Variants in FRAS1 observed in about 807,000 individuals in gnomAD.
FRAS1 encodes the protein Fraser extracellular matrix complex subunit 1.
Under a neutral mutation model 435.2 loss-of-function variants are expected in FRAS1, and 290 were observed. The ratio of observed to expected loss-of-function variants is 0.67; its 90% confidence interval spans 0.61 to 0.73. The LOEUF (loss-of-function observed/expected upper bound fraction) is 0.73, where lower values mean the gene tolerates loss of function less well. FRAS1 is among the 30% of genes least tolerant of loss of function. FRAS1 has a pLI of 0.00. For synonymous variants in FRAS1, 1,800 were observed against 1,851.0 expected, an observed-to-expected ratio of 0.97 and a Z score of 0.71; for missense variants, 4,860 against 5,001.5, an observed-to-expected ratio of 0.97 and a Z score of 0.85.
intron 2 of FRAS1, among the ~76,000 whole-genome samples, chr4:78,158,636 T>A (rs1163420107): frequency 6.6e-6 from 1 of 152,200 alleles, no homozygotes; most frequent in Admixed American, 6.5e-5. Flanking sequence ...AAGCAAAATA[T>A]TTCTATTTTG....
At chr4:78,482,771 T>C (rs1434536847) in intron 58 of FRAS1, among the ~76,000 whole-genome samples, 1 of 152,176 alleles carries the variant, frequency 6.6e-6, no homozygotes, top group East Asian at 1.9e-4. Flanking sequence ...TTGGGCCCTG[T>C]CCTCAAGAAG....
intron 2 of FRAS1, among the ~76,000 whole-genome samples, chr4:78,124,126 T>G (rs1482838571): frequency 6.6e-6 from 1 of 152,220 alleles, no homozygotes; most frequent in African/African-American, 2.4e-5. Flanking sequence ...TAAATAGCTC[T>G]TATTATGTTG....
At chr4:78,118,765 C>G (rs993744614) in intron 2 of FRAS1, among the ~76,000 whole-genome samples, 9 of 152,176 alleles carry the variant, frequency 5.9e-5, no homozygotes, top group Non-Finnish European at 8.8e-5. Flanking sequence ...CCTTGCCCTT[C>G]CCGGGTGAGG....
In FRAS1 at chr4:78,270,292, G is replaced by A. The variant is rs377470068; in HGVS notation, c.981+2860G>A. Among the ~76,000 whole-genome samples the A allele has an allele frequency of 5.3e-5, 8 of 152,242 alleles. No homozygotes were observed. The South Asian group carries it at 8.3e-4, about 16-fold the overall frequency. ...ATGTTTGAAGGTCAACAGCCTTTCT[G>A]TTGCACAGGCCTTACTGTTTCTATA... On this transcript the variant is annotated intron_variant, in intron 9 of 73. Coordinates refer to ENST00000512123, the MANE Select transcript of FRAS1 (RefSeq NM_025074.7).
intron 63 of FRAS1, 114 bp downstream of exon 63, chr4:78,509,120 C>A: frequency 5.1e-6 from 6 of 1,168,684 alleles, no homozygotes; most frequent in Non-Finnish European, 7.3e-6. Context: ...TGGAATAAAA[C>A]AAATAAGCAG....
chr4:78,114,561 T>G (rs1743001331), intron 2 of FRAS1, among the ~76,000 whole-genome samples: 1 of 152,164 alleles, frequency 6.6e-6, no homozygotes, highest in African/African-American at 2.4e-5. Context: ...TTAAGTTGGA[T>G]TCCTAGGTAT....
At chr4:78,446,398 G>T in intron 42 of FRAS1, 4 of 1,092,956 alleles carry the variant, frequency 3.7e-6, no homozygotes, top group Non-Finnish European at 4.5e-6. Flanking sequence ...TATTAGTATG[G>T]TCTTTTATCT....
At chr4:78,305,755 T>A (rs927633087) in intron 14 of FRAS1, among the ~76,000 whole-genome samples, 3 of 152,010 alleles carry the variant, frequency 2.0e-5, no homozygotes, top group African/African-American at 7.2e-5. Context: ...CCTATGTGTG[T>A]CTCTGCACAT....
intron 66 of FRAS1, 76 bp downstream of exon 66, chr4:78,516,089 C>A: frequency 8.7e-7 from 1 of 1,146,120 alleles, no homozygotes; most frequent in South Asian, 1.6e-5. Flanking sequence ...TGAAGCACTT[C>A]AATTAGCACT....
intron 32 of FRAS1, among the ~76,000 whole-genome samples, chr4:78,414,549 A>C (rs763810670): frequency 6.6e-6 from 1 of 152,244 alleles, no homozygotes; most frequent in Non-Finnish European, 1.5e-5. Context: ...TTATGATAGG[A>C]CATACTTGTG....
Position 78,317,467 on chromosome 4 carries a change from G to C in FRAS1, c.1919G>C (p.Arg640Pro), listed in dbSNP as rs373092006. 6.2e-7 allele frequency: 1 copy of C among 1,613,642 alleles called. No homozygotes were observed. The highest frequency in any genetic ancestry group is 8.5e-7 in the Non-Finnish European group (1 of 1,179,828). ...CTGCGTCAAGGCCACTGTCTGCCCC[G>C]CTGTGGAGAGGGTTTCTACTCTGAC... ...KALRQGHCLP[R>P]CGEGFYSDHG... The change falls in exon 17 of 74, where the codon CGC becomes CCC. Residue 640 changes from arginine to proline, a missense_variant. Transcript: ENST00000512123.
At chr4:78,522,548 C>A in intron 68 of FRAS1, 101 bp from the exon 69 acceptor site, 1 of 1,022,708 alleles carries the variant, frequency 9.8e-7, no homozygotes, top group Non-Finnish European at 1.4e-6. Context: ...GAGAGAAGAA[C>A]ATTAATTCAG....
intron 3 of FRAS1, among the ~76,000 whole-genome samples, chr4:78,243,686 A>G (rs1725107747): frequency 6.6e-6 from 1 of 151,882 alleles, no homozygotes; most frequent in Non-Finnish European, 1.5e-5. Flanking sequence ...ACACAAACAC[A>G]TACACATATA....
In FRAS1 at chr4:78,421,810, C is replaced by T. The variant is rs1407249893; in HGVS notation, c.4541-53C>T. 3 of 1,598,652 alleles carry T rather than the reference C, an allele frequency of 1.9e-6. No individual in the cohort carries two copies. The South Asian group carries it at 3.3e-5, about 18-fold the overall frequency. On this transcript the variant is annotated intron_variant, in intron 33 of 73. Coordinates refer to ENST00000512123, the MANE Select transcript of FRAS1 (RefSeq NM_025074.7). ...AGCAGGCTCTATGGCTCTAGTCATT[C>T]AGTCAGTGATGAGAATTACTGTTGA... is the stretch of plus-strand genomic sequence containing the variant.
At chr4:78,505,530 G>C (rs529391848) in intron 61 of FRAS1, among the ~76,000 whole-genome samples, 1 of 151,984 alleles carries the variant, frequency 6.6e-6, no homozygotes, top group African/African-American at 2.4e-5. Flanking sequence ...GCCTATTGAA[G>C]CTTGTGCATG....
At chr4:78,283,215 G>T (rs528009018) in intron 12 of FRAS1, among the ~76,000 whole-genome samples, 11 of 152,220 alleles carry the variant, frequency 7.2e-5, no homozygotes, top group Admixed American at 2.0e-4. Context: ...TAATTTTCTT[G>T]TTGATAAAAT....
chr4:78,173,404 A>G (rs1349572254), intron 2 of FRAS1, among the ~76,000 whole-genome samples: 1 of 152,168 alleles, frequency 6.6e-6, no homozygotes, highest in Non-Finnish European at 1.5e-5. Flanking sequence ...CTAGGGTGCT[A>G]TGGACATGAA....
intron 27 of FRAS1, among the ~76,000 whole-genome samples, chr4:78,382,672 A>G (rs993598697): frequency 6.6e-6 from 1 of 152,208 alleles, no homozygotes; most frequent in Non-Finnish European, 1.5e-5. Context: ...TATAATTTGC[A>G]TTCAATAAAA....
rs183856211 is a variant in FRAS1, at chr4:78,429,674, T to C, written c.4843+448T>C. 3.9e-5 allele frequency among the ~76,000 whole-genome samples: 6 copies of C among 152,332 alleles called. No individual in the cohort carries two copies. The East Asian group carries it at 9.6e-4, about 24-fold the overall frequency. ...GTATATAATTATATGTACTAATTAG[T>C]GAATTTAATCTTTAGAAATGTATTC... is the stretch of plus-strand genomic sequence containing the variant. On this transcript the variant is annotated intron_variant, in intron 36 of 73. Transcript: ENST00000512123.
Sources: allele counts gnomAD v4.1 joint callset (sites outside exome capture counted in the v4.1 genomes callset), GRCh38; gene constraint gnomAD v4.1.1; transcripts MANE v1.5; gene names NCBI Gene and HGNC (gene_info 2026-07-23, HGNC 2026-07-21).